Variants in TAFA1 observed in about 807,000 individuals in gnomAD.
The protein encoded by TAFA1 is chemokine-like protein TAFA-1.
TAFA1 carries 4 observed loss-of-function variants against 18.5 expected under a neutral mutation model. That is an observed-to-expected ratio of 0.22 (90% CI 0.11 to 0.49). TAFA1 has a LOEUF of 0.49. Among genes scored for constraint, TAFA1 ranks in the 20% least tolerant of loss-of-function variants. TAFA1 has a pLI of 0.98. For missense variants in TAFA1, 147 were observed against 169.0 expected (o/e 0.87, Z 0.72); for synonymous variants, 56 against 55.2 (o/e 1.01, Z -0.06).
intron 2 of TAFA1, among the ~76,000 whole-genome samples, chr3:68,339,244 T>C (rs1228240089): frequency 2.0e-5 from 3 of 152,208 alleles, no homozygotes; most frequent in Admixed American, 2.0e-4. Context: ...TTTCTGAGTG[T>C]GGCATTAAAA....
chr3:68,478,723 A>G (rs1022109534), intron 3 of TAFA1, among the ~76,000 whole-genome samples: 1 of 152,122 alleles, frequency 6.6e-6, no homozygotes, highest in Non-Finnish European at 1.5e-5. Context: ...GAACTATAAC[A>G]TGTGAGTGTA....
intron 2 of TAFA1, among the ~76,000 whole-genome samples, chr3:68,038,069 T>G (rs1361248618): frequency 6.6e-6 from 1 of 152,194 alleles, no homozygotes; most frequent in East Asian, 1.9e-4. Flanking sequence ...AGACCACAGA[T>G]AGAAGCATTA....
At chr3:68,467,085 T>A (rs1469723527) in intron 3 of TAFA1, among the ~76,000 whole-genome samples, 1 of 152,202 alleles carries the variant, frequency 6.6e-6, no homozygotes, top group Non-Finnish European at 1.5e-5. Flanking sequence ...GAAATATGGC[T>A]CTGTCCTGCC....
At chr3:68,422,799 T>A (rs1190469504) in intron 3 of TAFA1, among the ~76,000 whole-genome samples, 1 of 152,102 alleles carries the variant, frequency 6.6e-6, no homozygotes, top group Non-Finnish European at 1.5e-5. Context: ...AACCTGTGCC[T>A]AGCACTATTC....
chr3:68,540,226 C>G (rs1002354752), intron 4 of TAFA1, among the ~76,000 whole-genome samples: 2 of 152,074 alleles, frequency 1.3e-5, no homozygotes, highest in African/African-American at 4.8e-5. Flanking sequence ...ACCCCCTTGA[C>G]CAGTAGTAAA....
At chr3:68,013,694 T>C (rs758426782) in intron 2 of TAFA1, among the ~76,000 whole-genome samples, 3 of 152,312 alleles carry the variant, frequency 2.0e-5, no homozygotes, top group East Asian at 3.9e-4. Flanking sequence ...AAAGAGAAGA[T>C]GAATTTTGTT....
At chr3:68,021,298 T>C (rs1320693674) in intron 2 of TAFA1, among the ~76,000 whole-genome samples, 1 of 151,284 alleles carries the variant, frequency 6.6e-6, no homozygotes, top group Non-Finnish European at 1.5e-5. Context: ...AATAACTCAT[T>C]AAAGGGAAAT....
chr3:68,412,849 G>A (rs2070741995), intron 2 of TAFA1, among the ~76,000 whole-genome samples: 1 of 152,110 alleles, frequency 6.6e-6, no homozygotes, highest in African/African-American at 2.4e-5. Flanking sequence ...GTGTGCATGT[G>A]TCTTTATAGC....
At chr3:68,271,832 TCTCTCACACACA>T (rs1373732007) in intron 2 of TAFA1, among the ~76,000 whole-genome samples, 58 of 144,626 alleles carry the variant, frequency 4.0e-4, no homozygotes, top group African/African-American at 1.5e-3. Flanking sequence ...TCTCTCTCTC[TCTCTCACACACA>T]CACACACACA....
chr3:68,327,294 C>G (rs2068792090), intron 2 of TAFA1, among the ~76,000 whole-genome samples: 1 of 152,104 alleles, frequency 6.6e-6, no homozygotes, highest in Admixed American at 6.5e-5. Context: ...TTATCTCTTT[C>G]TCAGATGTAT....
At chr3:68,261,926 A>G (rs938446563) in intron 2 of TAFA1, among the ~76,000 whole-genome samples, 1 of 113,070 alleles carries the variant, frequency 8.8e-6, no homozygotes, top group African/African-American at 4.0e-5. Flanking sequence ...TAATAATAAA[A>G]TTACAAAAAA....
chr3:68,497,558 G>C (rs2072569431), intron 3 of TAFA1, among the ~76,000 whole-genome samples: 1 of 152,070 alleles, frequency 6.6e-6, no homozygotes, highest in South Asian at 2.1e-4. Flanking sequence ...CCTGGCAGAA[G>C]AATCAGCCTG....
At chr3:68,257,002 A>T (rs771367717) in intron 2 of TAFA1, among the ~76,000 whole-genome samples, 7 of 152,070 alleles carry the variant, frequency 4.6e-5, no homozygotes, top group Non-Finnish European at 1.0e-4. Flanking sequence ...CTTTGGATAA[A>T]CAGAAAGCAT....
intron 2 of TAFA1, among the ~76,000 whole-genome samples, chr3:68,349,615 T>G (rs1327020274): frequency 6.6e-6 from 1 of 152,114 alleles, no homozygotes; most frequent in Admixed American, 6.6e-5. Flanking sequence ...AAGAGCCAGA[T>G]AGTAACTATT....
chr3:68,314,718 C>A (rs1388508), intron 2 of TAFA1, among the ~76,000 whole-genome samples: 3,924 of 152,054 alleles, frequency 0.026, 88 homozygotes, highest in East Asian at 0.097. Context: ...ATTCTTTTTA[C>A]ATGTATAACC....
chr3:68,503,566 CT>C, intron 3 of TAFA1, among the ~76,000 whole-genome samples: 2 of 152,196 alleles, frequency 1.3e-5, no homozygotes, highest in Admixed American at 1.3e-4. Flanking sequence ...AGAGGGTTTC[CT>C]TTTGGGATCC....
At chr3:68,054,919 G>T (rs1411603876) in intron 2 of TAFA1, among the ~76,000 whole-genome samples, 1 of 152,132 alleles carries the variant, frequency 6.6e-6, no homozygotes, top group Non-Finnish European at 1.5e-5. Context: ...TCTTAATCTA[G>T]TACTACGTAT....
At chr3:68,347,552 T>C (rs376369426) in intron 2 of TAFA1, among the ~76,000 whole-genome samples, 13 of 152,302 alleles carry the variant, frequency 8.5e-5, no homozygotes, top group African/African-American at 3.1e-4. Context: ...ATGGTTTCTG[T>C]TGCAACTGTG....
chr3:68,177,462 G>C (rs1391104910), intron 2 of TAFA1, among the ~76,000 whole-genome samples: 1 of 152,148 alleles, frequency 6.6e-6, no homozygotes, highest in Non-Finnish European at 1.5e-5. Flanking sequence ...CTTTTGAAGA[G>C]AGAAACTTGT....
Sources: allele counts gnomAD v4.1 joint callset (sites outside exome capture counted in the v4.1 genomes callset), GRCh38; gene constraint gnomAD v4.1.1; transcripts MANE v1.5; gene names NCBI Gene and HGNC (gene_info 2026-07-23, HGNC 2026-07-21).